Variants in ATF2 observed in about 807,000 individuals in gnomAD.
ATF2 encodes the protein activating transcription factor 2.
Under a neutral mutation model 60.6 loss-of-function variants are expected in ATF2, and 24 were observed. That is an observed-to-expected ratio of 0.40 (90% CI 0.29 to 0.56). The LOEUF is 0.56. Among genes scored for constraint, ATF2 ranks in the 20% least tolerant of loss-of-function variants. The pLI is 0.54. For synonymous variants in ATF2, 206 were observed against 215.4 expected, an observed-to-expected ratio of 0.96 and a Z score of 0.38; for missense variants, 433 against 607.7, an observed-to-expected ratio of 0.71 and a Z score of 3.02.
chr2:175,108,472 G>T (rs907124722), intron 10 of ATF2, among the ~76,000 whole-genome samples: 1 of 143,562 alleles, frequency 7.0e-6, no homozygotes, highest in African/African-American at 2.7e-5. Context: ...TGGGGGGTCA[G>T]CCCCCGCCCG....
At chr2:175,128,973 A>C (rs1395274599) in intron 4 of ATF2, among the ~76,000 whole-genome samples, 1 of 152,212 alleles carries the variant, frequency 6.6e-6, no homozygotes, top group Admixed American at 6.5e-5. Context: ...TATCTATCAG[A>C]TAATCCCATC....
chr2:175,109,193 A>AAAAAT (rs1695997183), intron 10 of ATF2, among the ~76,000 whole-genome samples: 1 of 146,578 alleles, frequency 6.8e-6, no homozygotes, highest in Non-Finnish European at 1.5e-5. Context: ...AAAAAAAAAA[A>AAAAAT]GACTGTGTAT....
intron 7 of ATF2, 151 bp from the exon 8 acceptor site, chr2:175,115,019 G>T (rs1696452808): frequency 4.6e-6 from 3 of 656,166 alleles, no homozygotes; most frequent in Non-Finnish European, 6.8e-6. Flanking sequence ...GAACATTTTA[G>T]AAGAGCTGTA....
chr2:175,088,911 G>A (rs542522599), intron 12 of ATF2, among the ~76,000 whole-genome samples: 1 of 152,298 alleles, frequency 6.6e-6, no homozygotes, highest in Non-Finnish European at 1.5e-5. Context: ...GCTGGGTGCA[G>A]TTGCTCATGC....
intron 3 of ATF2, among the ~76,000 whole-genome samples, chr2:175,135,526 C>T (rs1033182702): frequency 3.3e-5 from 5 of 152,074 alleles, no homozygotes; most frequent in Non-Finnish European, 1.5e-5. Flanking sequence ...TTCCCACCAT[C>T]GTAAAGTCAA....
At chr2:175,074,982 T>G in intron 13 of ATF2, 147 bp from the exon 14 acceptor site, 1 of 1,511,404 alleles carries the variant, frequency 6.6e-7, no homozygotes, top group Non-Finnish European at 8.8e-7. Flanking sequence ...ATATAGGTCA[T>G]GAAGTAGGCA....
rs1205590068 is a variant in ATF2, at chr2:175,092,457, T to C, written c.1185+604A>G. 3 of 181,224 alleles carry C rather than the reference T, an allele frequency of 1.7e-5. No individual in the cohort carries two copies. In the East Asian group the frequency reaches 5.2e-4, roughly 32 times the overall value. 11.2% of individuals were successfully genotyped at this position (181,224 alleles called of 1,614,324 possible). A position where few individuals can be genotyped will look rare whatever the true frequency, so the allele number is the denominator to read the frequency against. ...GATTCGGTGCTGCCTTAAAACTTTA[T>C]ACTCCATGAGGTTTTAAGAAATGTA... On this transcript the variant is annotated intron_variant, in intron 12 of 13. Transcript: ENST00000264110.
At chr2:175,094,373 A>T (rs212359) in intron 11 of ATF2, among the ~76,000 whole-genome samples, 3,000 of 144,794 alleles carry the variant, frequency 0.021, 81 homozygotes, top group African/African-American at 0.058. Flanking sequence ...CAGCCTGGGC[A>T]ATACAGCGAG....
chr2:175,134,384 T>G (rs2105760553), intron 3 of ATF2, among the ~76,000 whole-genome samples: 1 of 151,918 alleles, frequency 6.6e-6, no homozygotes, highest in African/African-American at 2.4e-5. Context: ...GGAACAACTG[T>G]ATATCTAAAA....
At chr2:175,153,823 C>G (rs367586960) in intron 1 of ATF2, among the ~76,000 whole-genome samples, 10 of 107,104 alleles carry the variant, frequency 9.3e-5, no homozygotes, top group Non-Finnish European at 3.8e-5. Context: ...CAGAGCGAGA[C>G]TCTGCCTCAA....
At chr2:175,157,253 G>T (rs1044216482) in intron 1 of ATF2, among the ~76,000 whole-genome samples, 4 of 152,186 alleles carry the variant, frequency 2.6e-5, no homozygotes. Context: ...TAGGATGTCA[G>T]AAAAACAATA....
In ATF2 at chr2:175,148,652, T is replaced by C. The variant is rs35777978; in HGVS notation, c.-44+2408A>G. 5.1e-3 allele frequency among the ~76,000 whole-genome samples: 776 copies of C among 152,306 alleles called. 5 individuals are homozygous for C. The highest frequency in any genetic ancestry group is 0.018 in the African/African-American group (736 of 41,552). On this transcript the variant is annotated intron_variant, in intron 2 of 13. Coordinates refer to ENST00000264110, the MANE Select transcript of ATF2 (RefSeq NM_001880.4). ...TAATATCAACACAGAGACCGTAAGA[T>C]TGATAGAACAGACTCTTTAAGTCTG...
chr2:175,098,211 T>C (rs368015519), intron 10 of ATF2, among the ~76,000 whole-genome samples: 5 of 152,352 alleles, frequency 3.3e-5, no homozygotes, highest in Admixed American at 2.0e-4. Flanking sequence ...AAAACAAACA[T>C]ATCTGTTAAC....
At chr2:175,151,294 C>A (rs1357748416) in intron 1 of ATF2, 136 bp from the exon 2 acceptor site, 1 of 152,018 alleles carries the variant, frequency 6.6e-6, no homozygotes, top group Non-Finnish European at 1.5e-5. Context: ...TAAATTTTGC[C>A]TCCCATTCCA....
chr2:175,156,342 GCCTGGGTGACA>G (rs1283156134), intron 1 of ATF2, among the ~76,000 whole-genome samples: 1 of 128,654 alleles, frequency 7.8e-6, no homozygotes, highest in African/African-American at 3.0e-5. Flanking sequence ...TTACACTCCA[GCCTGGGTGACA>G]GAGCAAGACT....
At chr2:175,078,404 G>A (rs1693522016) in intron 13 of ATF2, among the ~76,000 whole-genome samples, 1 of 152,090 alleles carries the variant, frequency 6.6e-6, no homozygotes, top group Non-Finnish European at 1.5e-5. Flanking sequence ...TGAATTCATG[G>A]CAATAAGATC....
chr2:175,088,753 A>T (rs567801995), intron 12 of ATF2, among the ~76,000 whole-genome samples: 3 of 152,286 alleles, frequency 2.0e-5, no homozygotes, highest in African/African-American at 7.2e-5. Flanking sequence ...CTTTTTGTTC[A>T]TAAGGAAACA....
rs115396870 is a variant in ATF2, at chr2:175,136,310, A to G, written c.32+102T>C. On this transcript the variant is annotated intron_variant, in intron 3 of 13. Coordinates refer to ENST00000264110, the MANE Select transcript of ATF2 (RefSeq NM_001880.4). The stretch of plus-strand genomic sequence containing the variant: ...TAAGTAAGTGACTTGTTTTGTATGG[A>G]AAAAAACACCACAAATACTTACCTA... 1,253 of 1,138,610 alleles carry G rather than the reference A, an allele frequency of 1.1e-3. 8 individuals carry two copies. In the African/African-American group the frequency reaches 0.017, roughly 16 times the overall value. 70.5% of individuals were successfully genotyped at this position (1,138,610 alleles called of 1,614,324 possible).
intron 13 of ATF2, among the ~76,000 whole-genome samples, chr2:175,079,235 A>C (rs1239597886): frequency 6.6e-6 from 1 of 152,200 alleles, no homozygotes; most frequent in African/African-American, 2.4e-5. Flanking sequence ...CAAAGATTTA[A>C]AAATTACAGG....
Sources: allele counts gnomAD v4.1 joint callset (sites outside exome capture counted in the v4.1 genomes callset), GRCh38; gene constraint gnomAD v4.1.1; transcripts MANE v1.5; gene names NCBI Gene and HGNC (gene_info 2026-07-23, HGNC 2026-07-21).